Variants in CFAP47 observed in about 807,000 individuals in gnomAD.
CFAP47 encodes cilia and flagella associated protein 47, also known as cilia- and flagella-associated protein 47.
CFAP47 carries 29 observed loss-of-function variants against 148.1 expected under a neutral mutation model. The ratio of observed to expected loss-of-function variants is 0.20; its 90% CI spans 0.15 to 0.27. The LOEUF (loss-of-function observed/expected upper bound fraction) is 0.27. CFAP47 is among the 10% of genes least tolerant of loss of function. The pLI, the probability that CFAP47 is intolerant of heterozygous loss-of-function variation, is 1.00. For synonymous variants in CFAP47, 664 were observed against 577.3 expected, an observed-to-expected ratio of 1.15 and a Z score of -2.15; for missense variants, 1,872 against 1,697.5, an observed-to-expected ratio of 1.10 and a Z score of -1.81.
At chrX:36,003,278 T>C (rs1278861514) in intron 21 of CFAP47, among the ~76,000 whole-genome samples, 2 of 109,813 alleles carry the variant, frequency 1.8e-5, no homozygotes, top group African/African-American at 6.6e-5. Flanking sequence ...GTGGAATAAA[T>C]CTCACTAGAT....
intron 60 of CFAP47, among the ~76,000 whole-genome samples, chrX:36,356,882 A>G (rs1365168857): frequency 2.7e-5 from 3 of 112,247 alleles, no homozygotes; most frequent in African/African-American, 9.7e-5. Context: ...TGAGAGGCAG[A>G]TATAAAAATA....
In CFAP47 at chrX:36,384,783, C is replaced by T; in HGVS notation, c.9355-14C>T. ...GGATATTTCAAATGAAAATTTCTCC[C>T]TCTTTCTATCCAGACAGAAGAAATG... On this transcript the variant is annotated splice_polypyrimidine_tract_variant and intron_variant, in intron 63 of 63. Transcript: ENST00000378653. The T allele has an allele frequency of 8.8e-7, 1 of 1,132,674 alleles. No individual in the cohort carries two copies. Among genetic ancestry groups the T allele is most frequent in the Non-Finnish European group, 1.2e-6 (1 of 842,016 alleles). 93.3% of individuals were successfully genotyped at this position (1,132,674 alleles called of 1,213,427 possible). A position where few individuals can be genotyped will look rare whatever the true frequency, so the allele number is the denominator to read the frequency against.
intron 58 of CFAP47, among the ~76,000 whole-genome samples, chrX:36,349,419 C>T (rs1036731429): frequency 4.5e-5 from 5 of 110,801 alleles, no homozygotes; most frequent in African/African-American, 9.9e-5. Context: ...TGTGCCACCA[C>T]GCCTGGCTAA....
At chrX:35,943,031 C>T (rs1310256871) in intron 3 of CFAP47, among the ~76,000 whole-genome samples, 2 of 111,378 alleles carry the variant, frequency 1.8e-5, no homozygotes, top group Non-Finnish European at 3.8e-5. Flanking sequence ...CTTTATCCCA[C>T]ATGCTTGGAA....
intron 33 of CFAP47, among the ~76,000 whole-genome samples, chrX:36,132,471 A>G (rs1313207384): frequency 2.7e-5 from 3 of 111,822 alleles, no homozygotes; most frequent in Non-Finnish European, 5.7e-5. Flanking sequence ...CATTTTCAAC[A>G]AGCTTCCATT....
chrX:36,316,059 A>T (rs1331099168), intron 56 of CFAP47, among the ~76,000 whole-genome samples: 3 of 112,132 alleles, frequency 2.7e-5, no homozygotes, highest in Non-Finnish European at 5.6e-5. Flanking sequence ...AAGTAAGATT[A>T]AAAACCCAAC....
At position 36,294,937 on chromosome X, in the gene CFAP47, C is replaced by A. The variant is rs191268653; in HGVS notation, c.7687-4040C>A. ...TAAATGTTTTAATTATTTTCAATTTCAGCATCTTGTGAATGTCTTTTCTGT... is the reference window on the plus strand; with the variant it reads ...TAAATGTTTTAATTATTTTCAATTTAAGCATCTTGTGAATGTCTTTTCTGT... On this transcript the variant is annotated intron_variant, in intron 51 of 63. Transcript: ENST00000378653. 5.4e-5 allele frequency among the ~76,000 whole-genome samples: 6 copies of A among 111,366 alleles called. No individual in the cohort carries two copies. In the East Asian group the frequency reaches 1.7e-3, roughly 32 times the overall value.
At chrX:36,175,618 C>T (rs1021742688) in intron 39 of CFAP47, among the ~76,000 whole-genome samples, 2 of 112,242 alleles carry the variant, frequency 1.8e-5, no homozygotes, top group African/African-American at 6.5e-5. Flanking sequence ...GCTCGGATGT[C>T]AGCAGTCAGG....
intron 49 of CFAP47, among the ~76,000 whole-genome samples, chrX:36,265,615 G>C (rs1940882273): frequency 8.9e-6 from 1 of 111,936 alleles, no homozygotes; most frequent in Admixed American, 9.4e-5. Flanking sequence ...TGAATGTGAA[G>C]TGATGATAAA....
intron 10 of CFAP47, among the ~76,000 whole-genome samples, chrX:35,969,938 G>T (rs1936463726): frequency 9.1e-6 from 1 of 110,106 alleles, no homozygotes; most frequent in African/African-American, 3.3e-5. Context: ...TATACTTTAA[G>T]TTCTAGGGTA....
chrX:36,322,180 T>A (rs1941484149), intron 57 of CFAP47, among the ~76,000 whole-genome samples: 1 of 111,525 alleles, frequency 9.0e-6, no homozygotes, highest in Admixed American at 9.7e-5. Context: ...TATATACTTT[T>A]CCCTGCATCT....
chrX:36,156,509 C>T (rs1939368610), intron 37 of CFAP47, among the ~76,000 whole-genome samples: 1 of 110,655 alleles, frequency 9.0e-6, no homozygotes, highest in Admixed American at 9.7e-5. Flanking sequence ...TTCTTTTTTT[C>T]TCATTATTTT....
chrX:36,152,199 T>A (rs1939316120), intron 37 of CFAP47, among the ~76,000 whole-genome samples: 1 of 111,364 alleles, frequency 9.0e-6, no homozygotes, highest in Non-Finnish European at 1.9e-5. Flanking sequence ...TTGGTATACA[T>A]ATACATTGTC....
chrX:36,184,609 C>A (rs1939785441), intron 40 of CFAP47, among the ~76,000 whole-genome samples: 1 of 111,527 alleles, frequency 9.0e-6, no homozygotes, highest in African/African-American at 3.3e-5. Context: ...AGATAATTTT[C>A]TGGGTCTTGA....
In CFAP47 at chrX:36,179,421, G is replaced by A. The variant is rs186067101; in HGVS notation, c.6103G>A (p.Asp2035Asn). 8.2e-4 allele frequency: 241 copies of A among 295,202 alleles called. 1 individual carries two copies. The Middle Eastern group carries it at 9.8e-3, about 12-fold the overall frequency. 24.3% of individuals were successfully genotyped at this position (295,202 alleles called of 1,213,427 possible). A position where few individuals can be genotyped will look rare whatever the true frequency, so the allele number is the denominator to read the frequency against. The change falls in exon 40 of 64, where the codon GAT (aspartate) becomes AAT (asparagine). Residue 2035 changes from aspartate (D) to asparagine (N), a missense_variant and splice_region_variant. Transcript: ENST00000378653. ...LTESRQYPKHDDDMSSSGSDT... is the reference protein window; with the variant it reads ...LTESRQYPKHNDDMSSSGSDT... ...TGAATCCAGGCAATACCCGAAACAT[G>A]AGTAAGTGTCTATATTTTGTACTCA...
intron 24 of CFAP47, among the ~76,000 whole-genome samples, chrX:36,037,789 C>A (rs370089353): frequency 1.8e-5 from 2 of 111,049 alleles, no homozygotes; most frequent in Non-Finnish European, 1.9e-5. Context: ...TATTTTTTCT[C>A]CCCAAAACAA....
intron 42 of CFAP47, among the ~76,000 whole-genome samples, chrX:36,191,941 C>G (rs141844997): frequency 7.9e-4 from 88 of 110,799 alleles, no homozygotes; most frequent in African/African-American, 2.4e-3. Flanking sequence ...CGAGATCATG[C>G]CACTGCACTG....
At chrX:36,382,887 CT>C (rs1394166452) in intron 63 of CFAP47, among the ~76,000 whole-genome samples, 1 of 110,952 alleles carries the variant, frequency 9.0e-6, no homozygotes, top group East Asian at 2.8e-4. Flanking sequence ...ATTATTTTAA[CT>C]TCTGTTCTGT....
intron 35 of CFAP47, among the ~76,000 whole-genome samples, chrX:36,141,911 T>G (rs1939148911): frequency 9.3e-6 from 1 of 107,249 alleles, no homozygotes; most frequent in African/African-American, 3.7e-5. Context: ...TTCTTGTGCT[T>G]CTCTTTTTCC....
Sources: gnomAD v4.1 joint callset for allele counts (sites outside exome capture counted in the v4.1 genomes callset) on GRCh38, gnomAD v4.1.1 for gene constraint, MANE v1.5 for transcripts, NCBI Gene and HGNC (gene_info 2026-07-23, HGNC 2026-07-21) for gene names.